The following RHAG variants were observed in gnomAD, a reference collection of about 807,000 sequenced individuals.
RHAG encodes ammonium transporter Rh type A.
RHAG carries 25 observed loss-of-function variants against 42.4 expected under a neutral mutation model. The observed-to-expected ratio is 0.59, with a 90% CI of 0.43 to 0.82. RHAG has a LOEUF of 0.82. RHAG is among the 40% of genes least tolerant of loss of function. The pLI is 0.00. For missense variants in RHAG, 483 were observed against 504.6 expected (o/e 0.96, Z 0.41); for synonymous variants, 182 against 177.7 (o/e 1.02, Z -0.19).
At chr6:49,624,944 A>G (rs185835267) in intron 1 of RHAG, among the ~76,000 whole-genome samples, 3 of 152,290 alleles carry the variant, frequency 2.0e-5, no homozygotes, top group African/African-American at 7.2e-5. Context: ...GTAAAAATCA[A>G]TTTTATCTCT....
chr6:49,615,050 C>T, intron 4 of RHAG, 197 bp from the exon 5 acceptor site: 1 of 561,402 alleles, frequency 1.8e-6, no homozygotes, highest in Non-Finnish European at 3.1e-6. Flanking sequence ...CAGGTTCAAG[C>T]AATTCTTCTG....
chr6:49,621,600 C>G (rs1037622039), intron 1 of RHAG, among the ~76,000 whole-genome samples: 2 of 152,102 alleles, frequency 1.3e-5, no homozygotes, highest in African/African-American at 4.8e-5. Flanking sequence ...ACCTGTTTCC[C>G]TTTTTGCTTT....
At chr6:49,619,949 C>T (rs1004753491) in intron 1 of RHAG, among the ~76,000 whole-genome samples, 15 of 152,234 alleles carry the variant, frequency 9.9e-5, no homozygotes, top group African/African-American at 2.2e-4. Context: ...AGAAGTAGTA[C>T]GTTTCTTTGA....
intron 3 of RHAG, 67 bp downstream of exon 3, chr6:49,618,001 C>T (rs1043282760): frequency 8.4e-6 from 12 of 1,420,812 alleles, no homozygotes; most frequent in Non-Finnish European, 1.2e-5. Flanking sequence ...ACCGTAGACA[C>T]CCATTGTTTT....
intron 1 of RHAG, among the ~76,000 whole-genome samples, chr6:49,620,223 C>G (rs1365074417): frequency 6.6e-6 from 1 of 152,150 alleles, no homozygotes; most frequent in Non-Finnish European, 1.5e-5. Flanking sequence ...GTGTTTTCAT[C>G]TGCAACATTG....
intron 1 of RHAG, among the ~76,000 whole-genome samples, chr6:49,622,418 G>A (rs1161829040): frequency 6.6e-6 from 1 of 152,088 alleles, no homozygotes; most frequent in Non-Finnish European, 1.5e-5. Flanking sequence ...CACCATGTTG[G>A]TCAGGCTGGT....
chr6:49,610,669 C>T (rs1288129893), intron 7 of RHAG, among the ~76,000 whole-genome samples: 1 of 152,118 alleles, frequency 6.6e-6, no homozygotes, highest in Non-Finnish European at 1.5e-5. Flanking sequence ...ATGGAACTGA[C>T]TGTTCAGCTC....
chr6:49,631,289 A>G (rs1201892363), intron 1 of RHAG, among the ~76,000 whole-genome samples: 3 of 152,208 alleles, frequency 2.0e-5, no homozygotes, highest in Non-Finnish European at 4.4e-5. Context: ...TTTTCACCCA[A>G]TGATTTTAGC....
intron 1 of RHAG, among the ~76,000 whole-genome samples, chr6:49,622,891 A>C (rs1473765673): frequency 7.0e-6 from 1 of 141,866 alleles, no homozygotes; most frequent in African/African-American, 2.7e-5. Flanking sequence ...GCCGGACTGC[A>C]GTGGCGCTAT....
chr6:49,612,283 C>T (rs1410796068), intron 6 of RHAG, 114 bp downstream of exon 6: 3 of 1,194,696 alleles, frequency 2.5e-6, no homozygotes, highest in Admixed American at 1.7e-5. Flanking sequence ...GGCAAATGGT[C>T]TCCAAATAAA....
chr6:49,628,644 G>C (rs974977829), intron 1 of RHAG, among the ~76,000 whole-genome samples: 1 of 150,636 alleles, frequency 6.6e-6, no homozygotes, highest in East Asian at 2.0e-4. Context: ...AAGGTGGCGC[G>C]TCTGGAGTTG....
chr6:49,634,545 C>A (rs1403736154), intron 1 of RHAG, among the ~76,000 whole-genome samples: 1 of 151,882 alleles, frequency 6.6e-6, no homozygotes, highest in African/African-American at 2.4e-5. Context: ...TTCACAATAG[C>A]CAAGATACGT....
chr6:49,613,624 G>A (rs1762603665), intron 5 of RHAG, among the ~76,000 whole-genome samples: 1 of 152,088 alleles, frequency 6.6e-6, no homozygotes, highest in African/African-American at 2.4e-5. Context: ...CAGCTAGAAG[G>A]GTAGACTGGC....
chr6:49,608,987 T>C (rs2127349952), intron 7 of RHAG, among the ~76,000 whole-genome samples: 1 of 152,310 alleles, frequency 6.6e-6, no homozygotes, highest in South Asian at 2.1e-4. Flanking sequence ...CAAATAAACT[T>C]GGAAAACACT....
At chr6:49,614,960 A>T (rs1762629936) in intron 4 of RHAG, 107 bp from the exon 5 acceptor site, 1 of 1,090,766 alleles carries the variant, frequency 9.2e-7, no homozygotes, top group East Asian at 2.6e-5. Context: ...TTATTTATTT[A>T]TTTTTGAGAT....
At chr6:49,628,169 G>T (rs1195888250) in intron 1 of RHAG, among the ~76,000 whole-genome samples, 1 of 151,768 alleles carries the variant, frequency 6.6e-6, no homozygotes, top group Non-Finnish European at 1.5e-5. Context: ...CACAGAGAGA[G>T]AGAGAGAGAC....
At chr6:49,626,086 C>G (rs1353705702) in intron 1 of RHAG, among the ~76,000 whole-genome samples, 1 of 152,146 alleles carries the variant, frequency 6.6e-6, no homozygotes, top group African/African-American at 2.4e-5. Flanking sequence ...AGTGGGAACA[C>G]AGACAAACCA....
intron 1 of RHAG, among the ~76,000 whole-genome samples, chr6:49,634,956 C>CTGTGTGTGTGTGTGTGTG (rs72452277): frequency 1.5e-5 from 2 of 129,642 alleles, no homozygotes; most frequent in Non-Finnish European, 3.2e-5. Flanking sequence ...GTGTGTACAC[C>CTGTGTGTGTGTGTGTGTG]TGTGTGTGTG....
Position 49,606,925 on chromosome 6 carries a change from T to C in RHAG, c.1139-4A>G. On this transcript the variant is annotated splice_polypyrimidine_tract_variant and splice_region_variant and intron_variant, in intron 8 of 9. Transcript: ENST00000371175. ...AGAGGCAACTTTAGAATTAAACCTGTGACGGTAGAGGGAAAATGAGTCATG... is the reference window on the plus strand; with the variant it reads ...AGAGGCAACTTTAGAATTAAACCTGCGACGGTAGAGGGAAAATGAGTCATG... 6.2e-6 allele frequency: 10 copies of C among 1,605,778 alleles called. No individual in the cohort carries two copies. The highest frequency in any genetic ancestry group is 7.7e-6 in the Non-Finnish European group (9 of 1,172,512).
Sources: allele counts gnomAD v4.1 joint callset (sites outside exome capture counted in the v4.1 genomes callset), GRCh38; gene constraint gnomAD v4.1.1; transcripts MANE v1.5; gene names NCBI Gene and HGNC (gene_info 2026-07-23, HGNC 2026-07-21).